DSG2: variants seen among roughly 807,000 people sequenced by gnomAD.
DSG2 encodes desmoglein 2.
A neutral mutation model predicts 75.6 loss-of-function variants in DSG2; 45 were observed. The ratio of observed to expected loss-of-function variants is 0.60; its 90% CI spans 0.47 to 0.76. The LOEUF is 0.76. Among genes scored for constraint, DSG2 ranks in the 30% least tolerant of loss-of-function variants. The pLI is 0.00. For missense variants in DSG2, 1,267 were observed against 1,357.4 expected, an observed-to-expected ratio of 0.93 and a Z score of 1.05; for synonymous variants, 429 against 483.9, an observed-to-expected ratio of 0.89 and a Z score of 1.49.
At position 31,523,241 on chromosome 18, in the gene DSG2, T is replaced by A. The variant is rs544772525; in HGVS notation, c.690+992T>A. On this transcript the variant is annotated intron_variant, in intron 6 of 14. Transcript: ENST00000261590. The stretch of plus-strand genomic sequence containing the variant: ...ACGGTGAAACCCCATCTCTACTAAA[T>A]ATACAAAAAATTAGCTGGGTGTGGT... 6.6e-5 allele frequency among the ~76,000 whole-genome samples: 10 copies of A among 151,818 alleles called. No homozygotes were observed. The South Asian group carries it at 1.7e-3, about 25-fold the overall frequency.
chr18:31,500,457 C>CT (rs1214945161), intron 1 of DSG2, among the ~76,000 whole-genome samples: 10 of 152,182 alleles, frequency 6.6e-5, no homozygotes, highest in Admixed American at 2.6e-4. Flanking sequence ...ATGCTTGTAC[C>CT]TTGCCTCTTG....
At position 31,519,889 on chromosome 18, in the gene DSG2, G is replaced by A. The variant is rs1165258374; in HGVS notation, c.168G>A (p.Val56=). ...AGCGCGCCTGGATCACCGCCCCCGT[G>A]GCTCTTCGGGAGGGAGAGGATCTGT... ...RQKRAWITAP[V]ALREGEDLSK... Residue 56 remains valine (V), a synonymous_variant, in exon 3 of 15, where the codon GTG becomes GTA. Coordinates refer to ENST00000261590, the MANE Select transcript of DSG2 (RefSeq NM_001943.5). The A allele has an allele frequency of 1.2e-6, 2 of 1,614,090 alleles. No homozygotes were observed. The highest frequency in any genetic ancestry group is 1.7e-6 in the Non-Finnish European group (2 of 1,180,012).
At position 31,548,947 on chromosome 18, in the gene DSG2, AC is replaced by A. The variant is rs1221066208; in HGVS notation, c.*2205del. On this transcript the variant is annotated 3_prime_UTR_variant, in exon 15 of 15. Transcript: ENST00000261590. ...TGCCTTAAAGGCAGGTGTTTCTTGG[AC>A]TTTGTTATTTAATTAGATCTGCTTG... 6.6e-6 allele frequency: 1 copy of A among 152,124 alleles called. No homozygotes were observed. Among genetic ancestry groups the A allele is most frequent in the Non-Finnish European group, 1.5e-5 (1 of 68,018 alleles). 9.4% of individuals were successfully genotyped at this position (152,124 alleles called of 1,614,324 possible). A position where few individuals can be genotyped will look rare whatever the true frequency, so the allele number is the denominator to read the frequency against.
chr18:31,524,768 A>G lies in DSG2; in HGVS notation c.894A>G (p.Ala298=). 6.2e-7 allele frequency: 1 copy of G among 1,614,244 alleles called. No individual in the cohort carries two copies. The highest frequency in any genetic ancestry group is 8.5e-7 in the Non-Finnish European group (1 of 1,180,026). Residue 298 remains alanine, a synonymous_variant, in exon 8 of 15, where the codon GCA becomes GCG. Coordinates refer to ENST00000261590, the MANE Select transcript of DSG2 (RefSeq NM_001943.5). ...VEVTRIKVFD[A]DEIGSDNWLA... is the part of the protein sequence containing the mutation. ...TTACGCGCATAAAAGTGTTCGATGC[A>G]GATGAAATAGGTTCTGATAATTGGC...
In DSG2 at chr18:31,546,698, CA is replaced by C; in HGVS notation, c.3313del (p.Thr1105ProfsTer22). ...CTAATTCTACCATAACCACATCTTCCACCAGAGTTACCAAGCATAGCACTGT... is the reference window on the plus strand; with the variant it reads ...CTAATTCTACCATAACCACATCTTCCCCAGAGTTACCAAGCATAGCACTGT... ...HSNSTITTSS[T>X]RVTKHSTVQH... On this transcript the variant is annotated frameshift_variant, in exon 15 of 15. Transcript: ENST00000261590. LOFTEE classifies it high-confidence loss of function. 6.2e-7 allele frequency: 1 copy of C among 1,614,170 alleles called. No homozygotes were observed. The highest frequency in any genetic ancestry group is 8.5e-7 in the Non-Finnish European group (1 of 1,180,018).
rs2073118720 is a variant in DSG2, at chr18:31,519,950, G to A, written c.216+13G>A. The A allele has an allele frequency of 1.2e-6, 2 of 1,614,022 alleles. No homozygotes were observed. The highest frequency in any genetic ancestry group is 2.7e-5 in the African/African-American group (2 of 74,932). ...TCCAATTGCCAAGGTACCTCCTAAA[G>A]AGGAACATGAAATACATGCATATGA... On this transcript the variant is annotated intron_variant, in intron 3 of 14. Transcript: ENST00000261590.
chr18:31,498,355 T>C, intron 1 of DSG2, 59 bp downstream of exon 1: 1 of 1,244,146 alleles, frequency 8.0e-7, no homozygotes, highest in Non-Finnish European at 1.0e-6. Context: ...GTAGGCGAGG[T>C]CTAGACCTCG....
Position 31,498,191 on chromosome 18 carries a change from G to GC in DSG2, c.-60dup. ...CCGGGGCCAGGGAGGAGCCGAGTGC[G>GC]CGCTCGGGGCAGGCGGCGGCGCGGA... is the stretch of plus-strand genomic sequence containing the variant. On this transcript the variant is annotated 5_prime_UTR_variant, in exon 1 of 15. Coordinates refer to ENST00000261590, the MANE Select transcript of DSG2 (RefSeq NM_001943.5). 1 of 1,220,804 alleles carries GC rather than the reference G, an allele frequency of 8.2e-7. No individual in the cohort carries two copies. Among genetic ancestry groups the GC allele is most frequent in the Non-Finnish European group, 1.0e-6 (1 of 977,740 alleles). The allele number at this position is 1,220,804 out of a possible 1,614,324, so 75.6% of individuals were successfully genotyped here. A position where few individuals can be genotyped will look rare whatever the true frequency, so the allele number is the denominator to read the frequency against.
rs201654341 is a variant in DSG2, at chr18:31,541,224, C to T, written c.1911C>T (p.Cys637=). The change falls in exon 13 of 15, where the codon TGC becomes TGT. Residue 637 remains cysteine (C), a synonymous_variant. Transcript: ENST00000261590. ...CACTTTTACTGCTGATGTGCCATTG[C>T]GGAAAGGGCGCCAAAGGCTTTACCC... ...LVPLLLLMCH[C]GKGAKGFTPI... 1,885 of 1,614,118 alleles carry T rather than the reference C, an allele frequency of 1.2e-3. 35 individuals are homozygous for T. In the South Asian group the frequency reaches 0.019, roughly 17 times the overall value.
chr18:31,521,974 G>T, intron 5 of DSG2, 109 bp from the exon 6 acceptor site: 3 of 990,170 alleles, frequency 3.0e-6, no homozygotes, highest in Non-Finnish European at 4.6e-6. Flanking sequence ...ATGTGATTTT[G>T]ATAAGCACCT....
intron 6 of DSG2, among the ~76,000 whole-genome samples, chr18:31,522,840 T>C (rs1291889802): frequency 6.6e-6 from 1 of 152,146 alleles, no homozygotes; most frequent in African/African-American, 2.4e-5. Context: ...AATAAAAGTA[T>C]CTGTAAAGGA....
rs543173686 is a variant in DSG2 at position 31,502,675 on chromosome 18, TGGAAGGCGGA to T, written c.45+4382_45+4391del. Among the ~76,000 whole-genome samples the T allele has an allele frequency of 3.9e-3, 585 of 151,858 alleles. 4 individuals are homozygous for T. The highest frequency in any genetic ancestry group is 0.013 in the African/African-American group (554 of 41,404). On this transcript the variant is annotated intron_variant, in intron 1 of 14. Transcript: ENST00000261590. ...CTGAGGCAGGAGAATCGCTTGAACC[TGGAAGGCGGA>T]GGTTGCAGTGAGCCGAGATTGTGCC...
At position 31,520,913 on chromosome 18, in the gene DSG2, A is replaced by G; in HGVS notation, c.327A>G (p.Gly109=). ...TATTTGTCTTTAACAAAGATACTGG[A>G]GAACTGAATGTTACCAGCATTCTTG... is the stretch of plus-strand genomic sequence containing the variant. ...FGIFVFNKDT[G]ELNVTSILDR... is the part of the protein sequence containing the mutation. Residue 109 remains glycine (G), a synonymous_variant, in exon 4 of 15, where the codon GGA becomes GGG. Transcript: ENST00000261590. The G allele has an allele frequency of 6.2e-7, 1 of 1,613,910 alleles. No individual in the cohort carries two copies. Among genetic ancestry groups the G allele is most frequent in the Non-Finnish European group, 8.5e-7 (1 of 1,179,892 alleles).
In DSG2 at chr18:31,506,284, G is replaced by A. The variant is rs940995917; in HGVS notation, c.45+7988G>A. Among the ~76,000 whole-genome samples the A allele has an allele frequency of 2.6e-5, 4 of 151,992 alleles. No homozygotes were observed. In the South Asian group the frequency reaches 6.2e-4, roughly 24 times the overall value. ...AGTCATCAATAAGGTCCGAACTTCTGGAACTAGATAATTAATTTCACTGCA... is the reference window on the plus strand; with the variant it reads ...AGTCATCAATAAGGTCCGAACTTCTAGAACTAGATAATTAATTTCACTGCA... On this transcript the variant is annotated intron_variant, in intron 1 of 14. Transcript: ENST00000261590.
intron 1 of DSG2, among the ~76,000 whole-genome samples, chr18:31,507,924 A>C (rs1471369619): frequency 6.6e-6 from 1 of 152,118 alleles, no homozygotes; most frequent in Admixed American, 6.5e-5. Flanking sequence ...GAAGCTCTTT[A>C]GTTTAATTAG....
chr18:31,511,119 C>T (rs1230775908), intron 1 of DSG2, among the ~76,000 whole-genome samples: 1 of 152,228 alleles, frequency 6.6e-6, no homozygotes. Flanking sequence ...CAGTCCTCTG[C>T]AGCTTGTATT....
intron 1 of DSG2, among the ~76,000 whole-genome samples, chr18:31,509,924 T>G (rs1400545339): frequency 6.6e-6 from 1 of 152,250 alleles, no homozygotes; most frequent in Non-Finnish European, 1.5e-5. Context: ...TCTCATTTTA[T>G]TTCTTTCAGA....
chr18:31,499,499 G>A (rs1404124877), intron 1 of DSG2, among the ~76,000 whole-genome samples: 1 of 152,072 alleles, frequency 6.6e-6, no homozygotes, highest in African/African-American at 2.4e-5. Flanking sequence ...TCATTTTCAT[G>A]CTCTATTTAT....
At chr18:31,505,307 G>T (rs971684802) in intron 1 of DSG2, among the ~76,000 whole-genome samples, 1 of 152,190 alleles carries the variant, frequency 6.6e-6, no homozygotes, top group South Asian at 2.1e-4. Flanking sequence ...CATTTCCAAG[G>T]CCAAGCCCAT....
Sources: allele counts gnomAD v4.1 joint callset (sites outside exome capture counted in the v4.1 genomes callset), GRCh38; gene constraint gnomAD v4.1.1; transcripts MANE v1.5; gene names NCBI Gene and HGNC (gene_info 2026-07-23, HGNC 2026-07-21).